The following ELAVL2 variants were observed in gnomAD, a reference collection of about 807,000 sequenced individuals.
ELAVL2 encodes ELAV-like protein 2.
A neutral mutation model predicts 34.6 loss-of-function variants in ELAVL2; 4 were observed. That is an observed-to-expected ratio of 0.12 (90% CI 0.06 to 0.26). The LOEUF (loss-of-function observed/expected upper bound fraction) is 0.26. Ranked by LOEUF, ELAVL2 falls within the 10% of genes least tolerant of loss-of-function variation. ELAVL2 has a pLI of 1.00. For missense variants in ELAVL2, 432 were observed against 442.8 expected, an observed-to-expected ratio of 0.98 and a Z score of 0.22; for synonymous variants, 193 against 154.8, an observed-to-expected ratio of 1.25 and a Z score of -1.83.
At chr9:23,777,208 TA>T (rs541421219) in intron 1 of ELAVL2, among the ~76,000 whole-genome samples, 104 of 152,284 alleles carry the variant, frequency 6.8e-4, no homozygotes, top group African/African-American at 2.5e-3. Flanking sequence ...CAGATCGAGC[TA>T]AAAAGAAATT....
At chr9:23,833,148 G>C in the ELAVL2 span, among the ~76,000 whole-genome samples, 1 of 151,712 alleles carries the variant, frequency 6.6e-6, no homozygotes, top group Non-Finnish European at 1.5e-5. Flanking sequence ...GGTTATGTAA[G>C]CTAACTTTTC....
Position 23,763,312 on chromosome 9 carries a change from C to A in ELAVL2, c.-15-1063G>T, listed in dbSNP as rs118010694. ...TTAAATCTAGTTTCCTAAAACCAAT[C>A]CTATGCAAAAGAGTCACAAACCACA... On this transcript the variant is annotated intron_variant, in intron 1 of 6. Coordinates refer to ENST00000397312, the MANE Select transcript of ELAVL2 (RefSeq NM_004432.5). Among the ~76,000 whole-genome samples, 93 of 152,184 alleles carry A rather than the reference C, an allele frequency of 6.1e-4. No individual in the cohort carries two copies. In the East Asian group the frequency reaches 0.013, roughly 21 times the overall value.
intron 1 of ELAVL2, among the ~76,000 whole-genome samples, chr9:23,820,997 C>T (rs1421927050): frequency 6.6e-6 from 1 of 152,208 alleles, no homozygotes; most frequent in African/African-American, 2.4e-5. Context: ...TACACCACCT[C>T]CGCACACAAC....
At chr9:23,736,628 C>A (rs1246202923) in intron 2 of ELAVL2, among the ~76,000 whole-genome samples, 1 of 152,152 alleles carries the variant, frequency 6.6e-6, no homozygotes, top group East Asian at 1.9e-4. Context: ...TTCTGCCACA[C>A]CCGCATCACG....
intron 1 of ELAVL2, among the ~76,000 whole-genome samples, chr9:23,804,004 T>C (rs2061894683): frequency 6.6e-6 from 1 of 152,056 alleles, no homozygotes. Flanking sequence ...AAACAGCTCA[T>C]ATGTAGGAAA....
At chr9:23,839,581 G>C in the ELAVL2 span, among the ~76,000 whole-genome samples, 1 of 152,078 alleles carries the variant, frequency 6.6e-6, no homozygotes, top group Non-Finnish European at 1.5e-5. Flanking sequence ...TCCTAAAATT[G>C]CACAGTCCAC....
intron 1 of ELAVL2, among the ~76,000 whole-genome samples, chr9:23,784,446 T>G (rs749303585): frequency 6.6e-6 from 1 of 152,164 alleles, no homozygotes; most frequent in African/African-American, 2.4e-5. Context: ...ACTACATATA[T>G]GTAATACTTG....
At chr9:23,805,102 T>C (rs1254952411) in intron 1 of ELAVL2, among the ~76,000 whole-genome samples, 1 of 152,030 alleles carries the variant, frequency 6.6e-6, no homozygotes, top group Non-Finnish European at 1.5e-5. Context: ...AAAATGGAAG[T>C]GAAATTGAGA....
chr9:23,756,210 G>A (rs1304338272), intron 2 of ELAVL2, among the ~76,000 whole-genome samples: 1 of 152,094 alleles, frequency 6.6e-6, no homozygotes, highest in African/African-American at 2.4e-5. Context: ...ACCTAGCTAA[G>A]AACACTCATA....
At chr9:23,737,767 A>T (rs2048239980) in intron 2 of ELAVL2, among the ~76,000 whole-genome samples, 1 of 152,190 alleles carries the variant, frequency 6.6e-6, no homozygotes, top group African/African-American at 2.4e-5. Context: ...ATCTTTTTCA[A>T]ATCCCACAGT....
intron 3 of ELAVL2, among the ~76,000 whole-genome samples, chr9:23,720,169 AC>A (rs915322746): frequency 1.0e-3 from 149 of 143,528 alleles, no homozygotes; most frequent in African/African-American, 3.8e-3. Flanking sequence ...TCTATAAGAC[AC>A]CCTTTCACCT....
chr9:23,796,531 T>C (rs896125171), intron 1 of ELAVL2, among the ~76,000 whole-genome samples: 4 of 152,222 alleles, frequency 2.6e-5, no homozygotes, highest in African/African-American at 9.6e-5. Flanking sequence ...ACTCTAACGG[T>C]AAACCCACAA....
At chr9:23,708,340 G>A (rs1465885020) in intron 3 of ELAVL2, among the ~76,000 whole-genome samples, 1 of 152,190 alleles carries the variant, frequency 6.6e-6, no homozygotes, top group South Asian at 2.1e-4. Context: ...ACCCCATGAG[G>A]TAGGCAGCAT....
At chr9:23,788,782 GAGATGGCTATACTA>G in intron 1 of ELAVL2, among the ~76,000 whole-genome samples, 1 of 152,294 alleles carries the variant, frequency 6.6e-6, no homozygotes, top group South Asian at 2.1e-4. Flanking sequence ...TCTTATAACT[GAGATGGCTATACTA>G]AGGGACTAAC....
At chr9:23,823,839 T>C (rs1484496332) in intron 1 of ELAVL2, among the ~76,000 whole-genome samples, 2 of 152,238 alleles carry the variant, frequency 1.3e-5, no homozygotes, top group Non-Finnish European at 2.9e-5. Flanking sequence ...CTGTGTACTT[T>C]CTAAAAATTT....
the ELAVL2 span, among the ~76,000 whole-genome samples, chr9:23,843,942 C>T: frequency 1.3e-5 from 2 of 152,006 alleles, no homozygotes; most frequent in Non-Finnish European, 2.9e-5. Context: ...TCTTGAACAA[C>T]TCAGCATCCT....
chr9:23,699,812 G>GTTTTTTTTTTTTTTTTTTTTTTTTTTT (rs199637833), intron 5 of ELAVL2, among the ~76,000 whole-genome samples: 1 of 82,970 alleles, frequency 1.2e-5, no homozygotes, highest in African/African-American at 4.4e-5. Context: ...GGTGGCAAAG[G>GTTTTTTTTTTTTTTTTTTTTTTTTTTT]TTTTTTTTTT....
At chr9:23,723,055 T>C (rs538366145) in intron 3 of ELAVL2, among the ~76,000 whole-genome samples, 2 of 152,310 alleles carry the variant, frequency 1.3e-5, no homozygotes, top group East Asian at 3.9e-4. Context: ...GCTAGCAGTG[T>C]GATGTTCAGG....
intron 1 of ELAVL2, among the ~76,000 whole-genome samples, chr9:23,771,092 A>T (rs2057224604): frequency 6.6e-6 from 1 of 152,214 alleles, no homozygotes; most frequent in Non-Finnish European, 1.5e-5. Context: ...GTGTGCAGGA[A>T]GACTCAGTGA....
Sources: gnomAD v4.1 joint callset for allele counts (sites outside exome capture counted in the v4.1 genomes callset) on GRCh38, gnomAD v4.1.1 for gene constraint, MANE v1.5 for transcripts, NCBI Gene and HGNC (gene_info 2026-07-23, HGNC 2026-07-21) for gene names.